UBE2H: variants seen among roughly 807,000 people sequenced by gnomAD.
The protein encoded by UBE2H is ubiquitin conjugating enzyme E2 H, also known as ubiquitin-conjugating enzyme E2 H.
Under a neutral mutation model 29.0 loss-of-function variants are expected in UBE2H, and 3 were observed. The ratio of observed to expected loss-of-function variants is 0.10; its 90% CI spans 0.05 to 0.27. The LOEUF (loss-of-function observed/expected upper bound fraction) is 0.27, where lower values mean the gene tolerates loss of function less well. Among genes scored for constraint, UBE2H ranks in the 10% least tolerant of loss-of-function variants. UBE2H has a pLI of 1.00. For synonymous variants in UBE2H, 69 were observed against 82.9 expected (o/e 0.83, Z 0.91); for missense variants, 68 against 228.2 (o/e 0.30, Z 4.52).
intron 1 of UBE2H, among the ~76,000 whole-genome samples, chr7:129,939,966 AAAAG>A (rs111951262): frequency 3.6e-4 from 55 of 152,096 alleles, no homozygotes; most frequent in Middle Eastern, 6.8e-3. Flanking sequence ...CTCAAAAAAA[AAAAG>A]AAAGAAAGAA....
At chr7:129,857,708 GA>G in intron 4 of UBE2H, 145 bp from the exon 5 acceptor site, 1 of 818,172 alleles carries the variant, frequency 1.2e-6, no homozygotes, top group Non-Finnish European at 1.9e-6. Context: ...GTATGATGAG[GA>G]ACAGAATAGT....
chr7:129,906,083 A>C (rs1013857711), intron 1 of UBE2H, among the ~76,000 whole-genome samples: 7 of 152,244 alleles, frequency 4.6e-5, no homozygotes, highest in African/African-American at 1.7e-4. Flanking sequence ...AGAGCTCAAG[A>C]GATATGGAAT....
intron 1 of UBE2H, among the ~76,000 whole-genome samples, chr7:129,913,389 T>G (rs1409863562): frequency 1.3e-5 from 2 of 152,110 alleles, no homozygotes; most frequent in African/African-American, 4.8e-5. Context: ...TTCAGAGCAT[T>G]AACACAACAG....
At chr7:129,883,678 C>G (rs929245949) in intron 1 of UBE2H, among the ~76,000 whole-genome samples, 7 of 152,162 alleles carry the variant, frequency 4.6e-5, no homozygotes, top group Admixed American at 3.3e-4. Context: ...CCTATCTCTA[C>G]TAAAAACACA....
chr7:129,906,661 G>GA (rs1360817327), intron 1 of UBE2H, among the ~76,000 whole-genome samples: 6 of 151,166 alleles, frequency 4.0e-5, no homozygotes, highest in African/African-American at 1.2e-4. Flanking sequence ...GTTTTAAAAA[G>GA]AAAAAAAAAT....
At chr7:129,908,168 C>T (rs550497621) in intron 1 of UBE2H, among the ~76,000 whole-genome samples, 17 of 152,012 alleles carry the variant, frequency 1.1e-4, no homozygotes, top group East Asian at 1.9e-4. Flanking sequence ...GACATAATTC[C>T]GAAGCACCAT....
At chr7:129,939,428 T>C (rs778884091) in intron 1 of UBE2H, among the ~76,000 whole-genome samples, 4 of 152,204 alleles carry the variant, frequency 2.6e-5, no homozygotes, top group Non-Finnish European at 5.9e-5. Context: ...GGAGAATCAC[T>C]AATTTATTTA....
chr7:129,918,091 C>A (rs1208827121), intron 1 of UBE2H, among the ~76,000 whole-genome samples: 4 of 152,192 alleles, frequency 2.6e-5, no homozygotes, highest in Admixed American at 2.6e-4. Context: ...AGGCCTCAAA[C>A]TTTCATGTCT....
rs540469509 is a variant in UBE2H, at chr7:129,952,176, G to T, written c.53+327C>A. On this transcript the variant is annotated intron_variant, in intron 1 of 6. Coordinates refer to ENST00000355621, the MANE Select transcript of UBE2H (RefSeq NM_003344.4). ...AGAGAGAAACCCTGAAAATGGGCTC[G>T]GTGGTAGAGAGTGAGGCGACTGGTC... Among the ~76,000 whole-genome samples, 287 of 152,036 alleles carry T rather than the reference G, an allele frequency of 1.9e-3. 2 individuals carry two copies. The highest frequency in any genetic ancestry group is 6.6e-3 in the African/African-American group (275 of 41,384).
In UBE2H at chr7:129,830,847, A is replaced by G. The variant is rs868290314; in HGVS notation, c.*4090T>C. 2 of 148,680 alleles carry G rather than the reference A, an allele frequency of 1.3e-5. 1 individual carries two copies. Among genetic ancestry groups the G allele is most frequent in the South Asian group, 4.4e-4 (2 of 4,530 alleles). The allele number at this position is 148,680 out of a possible 1,614,324, so 9.2% of individuals were successfully genotyped here. A position where few individuals can be genotyped will look rare whatever the true frequency, so the allele number is the denominator to read the frequency against. On this transcript the variant is annotated 3_prime_UTR_variant, in exon 7 of 7. Coordinates refer to ENST00000355621, the MANE Select transcript of UBE2H (RefSeq NM_003344.4). ...TCCTGTTGACAGACGTGCCTACTAG[A>G]TCATCACAATGCAAGGAGAAAGGTG...
At chr7:129,947,616 CCA>C (rs1807791746) in intron 1 of UBE2H, among the ~76,000 whole-genome samples, 1 of 152,068 alleles carries the variant, frequency 6.6e-6, no homozygotes, top group Admixed American at 6.6e-5. Flanking sequence ...GTACAGATCC[CCA>C]TATACATCCT....
At chr7:129,903,322 C>T (rs766612546) in intron 1 of UBE2H, among the ~76,000 whole-genome samples, 77 of 152,278 alleles carry the variant, frequency 5.1e-4, no homozygotes, top group Admixed American at 1.7e-3. Context: ...AATGCAACGA[C>T]GGTTAATAAG....
At chr7:129,889,325 G>C (rs1438839342) in intron 1 of UBE2H, among the ~76,000 whole-genome samples, 2 of 152,308 alleles carry the variant, frequency 1.3e-5, no homozygotes, top group South Asian at 2.1e-4. Flanking sequence ...TGAATCATGG[G>C]ACATTAAACA....
chr7:129,901,690 G>A (rs1421628336), intron 1 of UBE2H, among the ~76,000 whole-genome samples: 2 of 152,138 alleles, frequency 1.3e-5, no homozygotes, highest in East Asian at 1.9e-4. Context: ...TGCCTCCCGG[G>A]TTCAAGCGAT....
rs879701010 is a variant in UBE2H, at chr7:129,931,227, G to GA, written c.53+21275dup. Reference sequence around the variant, plus strand: ...CAAGAGCAAAACCCTGTCTCAAAAAGAAAAAAAAAAAATTGCCACGCGTGG... The same window carrying GA: ...CAAGAGCAAAACCCTGTCTCAAAAAGAAAAAAAAAAAAATTGCCACGCGTGG... On this transcript the variant is annotated intron_variant, in intron 1 of 6. Coordinates refer to ENST00000355621, the MANE Select transcript of UBE2H (RefSeq NM_003344.4). Among the ~76,000 whole-genome samples the GA allele has an allele frequency of 2.6e-3, 325 of 125,098 alleles. 6 individuals are homozygous for GA. The highest frequency in any genetic ancestry group is 0.019 in the Admixed American group (236 of 12,274). The allele number at this position is 125,098 out of a possible 152,430, so 82.1% of individuals were successfully genotyped here. A position where few individuals can be genotyped will look rare whatever the true frequency, so the allele number is the denominator to read the frequency against.
At chr7:129,933,336 A>C (rs1807447083) in intron 1 of UBE2H, among the ~76,000 whole-genome samples, 1 of 152,194 alleles carries the variant, frequency 6.6e-6, no homozygotes, top group African/African-American at 2.4e-5. Flanking sequence ...AGAACTTCTA[A>C]ATTTGTAAGG....
intron 1 of UBE2H, among the ~76,000 whole-genome samples, chr7:129,941,398 G>A (rs1463997393): frequency 6.6e-6 from 1 of 152,164 alleles, no homozygotes; most frequent in African/African-American, 2.4e-5. Context: ...GCCTCCCAAA[G>A]TGCTAGGATT....
intron 5 of UBE2H, among the ~76,000 whole-genome samples, chr7:129,840,866 T>A (rs1489950441): frequency 6.6e-6 from 1 of 152,224 alleles, no homozygotes; most frequent in Non-Finnish European, 1.5e-5. Context: ...GTATTACAGA[T>A]GAATGCTTTG....
At chr7:129,890,676 G>A (rs1806466200) in intron 1 of UBE2H, among the ~76,000 whole-genome samples, 1 of 152,056 alleles carries the variant, frequency 6.6e-6, no homozygotes, top group South Asian at 2.1e-4. Context: ...CCAGCCAACG[G>A]TGATACTATT....
Sources: gnomAD v4.1 joint callset for allele counts (sites outside exome capture counted in the v4.1 genomes callset) on GRCh38, gnomAD v4.1.1 for gene constraint, MANE v1.5 for transcripts, NCBI Gene and HGNC (gene_info 2026-07-23, HGNC 2026-07-21) for gene names.